TNRC6B: variants seen among roughly 807,000 people sequenced by gnomAD.
The protein encoded by TNRC6B is trinucleotide repeat containing adaptor 6B, also known as trinucleotide repeat-containing gene 6B protein.
A neutral mutation model predicts 203.6 loss-of-function variants in TNRC6B; 52 were observed. The observed-to-expected ratio is 0.26, with a 90% CI of 0.20 to 0.32. The LOEUF (loss-of-function observed/expected upper bound fraction) is 0.32. Ranked by LOEUF, TNRC6B falls within the 10% of genes least tolerant of loss-of-function variation. The pLI, the probability that TNRC6B is intolerant of heterozygous loss-of-function variation, is 1.00. For missense variants in TNRC6B, 1,923 were observed against 2,286.2 expected (o/e 0.84, Z 3.24); for synonymous variants, 838 against 845.7 (o/e 0.99, Z 0.16).
At chr22:40,098,991 C>T (rs1203228180) in intron 1 of TNRC6B, among the ~76,000 whole-genome samples, 1 of 152,062 alleles carries the variant, frequency 6.6e-6, no homozygotes, top group Non-Finnish European at 1.5e-5. Context: ...GTGGCTCGCA[C>T]CTGTAATCCC....
intron 3 of TNRC6B, among the ~76,000 whole-genome samples, chr22:40,138,846 T>C (rs1038892159): frequency 5.3e-5 from 8 of 151,874 alleles, no homozygotes; most frequent in Non-Finnish European, 8.8e-5. Context: ...CAAACAGCAA[T>C]TCAAAGTACT....
At chr22:40,300,300 C>A (rs372410130) in intron 12 of TNRC6B, among the ~76,000 whole-genome samples, 155 bp from the exon 13 acceptor site, 5 of 152,092 alleles carry the variant, frequency 3.3e-5, no homozygotes, top group East Asian at 1.9e-4. Flanking sequence ...CATTGTTAAC[C>A]CTTGAGTGTA....
At chr22:40,225,457 A>C (rs1242697011) in intron 1 of TNRC6B, among the ~76,000 whole-genome samples, 5 of 152,226 alleles carry the variant, frequency 3.3e-5, no homozygotes, top group African/African-American at 1.2e-4. Flanking sequence ...GGCCGGGTGC[A>C]GTGGCTCACG....
chr22:40,263,165 T>G (rs2070413409), intron 4 of TNRC6B, among the ~76,000 whole-genome samples: 1 of 152,094 alleles, frequency 6.6e-6, no homozygotes, highest in South Asian at 2.1e-4. Flanking sequence ...TCTTTTGGGG[T>G]GATATTAAAA....
chr22:40,070,153 A>G (rs2067935020), intron 1 of TNRC6B, among the ~76,000 whole-genome samples: 1 of 152,100 alleles, frequency 6.6e-6, no homozygotes, highest in African/African-American at 2.4e-5. Context: ...TAAGAGAGAC[A>G]TTTGAGTTTT....
At chr22:40,151,765 A>T (rs1028386590) in intron 3 of TNRC6B, among the ~76,000 whole-genome samples, 26 of 151,902 alleles carry the variant, frequency 1.7e-4, no homozygotes, top group African/African-American at 5.8e-4. Flanking sequence ...AAATTAAAAT[A>T]AAAAAATCAA....
At chr22:40,131,631 A>G (rs1368820691) in intron 3 of TNRC6B, among the ~76,000 whole-genome samples, 1 of 152,120 alleles carries the variant, frequency 6.6e-6, no homozygotes, top group African/African-American at 2.4e-5. Flanking sequence ...GACTCCTTAA[A>G]CTATTATTTA....
intron 4 of TNRC6B, among the ~76,000 whole-genome samples, chr22:40,168,844 ACT>A (rs1158907228): frequency 1.3e-5 from 2 of 149,060 alleles, no homozygotes; most frequent in Non-Finnish European, 3.0e-5. Flanking sequence ...CTCAGTTCAA[ACT>A]CTCACCTCCT....
intron 3 of TNRC6B, among the ~76,000 whole-genome samples, chr22:40,148,540 C>G (rs980578967): frequency 2.0e-5 from 3 of 152,204 alleles, no homozygotes; most frequent in Middle Eastern, 3.4e-3. Flanking sequence ...CCTTGCCCCC[C>G]ACAAAGTGCT....
At chr22:40,170,193 A>G (rs1279154974) in intron 4 of TNRC6B, among the ~76,000 whole-genome samples, 1 of 148,178 alleles carries the variant, frequency 6.7e-6, no homozygotes, top group African/African-American at 2.5e-5. Flanking sequence ...CAGGAGAATC[A>G]CTTGAGCCTG....
At chr22:40,226,923 T>G (rs1448972119) in intron 1 of TNRC6B, among the ~76,000 whole-genome samples, 1 of 151,348 alleles carries the variant, frequency 6.6e-6, no homozygotes, top group Admixed American at 6.6e-5. Flanking sequence ...TTGTTTTTGT[T>G]TTTTGAGACA....
At chr22:40,103,428 G>A (rs1254363854) in intron 1 of TNRC6B, among the ~76,000 whole-genome samples, 2 of 152,110 alleles carry the variant, frequency 1.3e-5, no homozygotes, top group Non-Finnish European at 2.9e-5. Context: ...CATACGGTAC[G>A]TAGTCTTTCA....
At chr22:40,130,779 TAAAAAAA>T (rs200268757) in intron 3 of TNRC6B, among the ~76,000 whole-genome samples, 22 of 65,044 alleles carry the variant, frequency 3.4e-4, no homozygotes, top group African/African-American at 8.5e-4. Flanking sequence ...AGACTCCGTC[TAAAAAAA>T]AAAAAAAAAA....
chr22:40,050,371 C>T (rs1231411023), intron 1 of TNRC6B, among the ~76,000 whole-genome samples: 1 of 152,168 alleles, frequency 6.6e-6, no homozygotes, highest in East Asian at 1.9e-4. Context: ...TTTTACACCC[C>T]ATCCTCCTCT....
chr22:40,053,277 C>T (rs1421396804), intron 1 of TNRC6B, among the ~76,000 whole-genome samples: 1 of 151,944 alleles, frequency 6.6e-6, no homozygotes, highest in African/African-American at 2.4e-5. Context: ...AAACAGGCTC[C>T]GAAAGCAGCT....
At chr22:40,319,510 C>T (rs998198840) in intron 21 of TNRC6B, among the ~76,000 whole-genome samples, 1 of 150,542 alleles carries the variant, frequency 6.6e-6, no homozygotes, top group Admixed American at 6.6e-5. Flanking sequence ...ACTGCAAGCT[C>T]CGCCTCCCGG....
At chr22:40,206,609 G>A (rs1201979800) in intron 1 of TNRC6B, among the ~76,000 whole-genome samples, 2 of 152,096 alleles carry the variant, frequency 1.3e-5, no homozygotes, top group African/African-American at 2.4e-5. Context: ...ATATGGAAAA[G>A]AGAAATGACA....
At chr22:40,152,795 T>C (rs1206586462) in intron 3 of TNRC6B, among the ~76,000 whole-genome samples, 4 of 151,874 alleles carry the variant, frequency 2.6e-5, no homozygotes, top group Non-Finnish European at 4.4e-5. Flanking sequence ...TAATTAAATA[T>C]GTGGGTAAAA....
intron 4 of TNRC6B, among the ~76,000 whole-genome samples, chr22:40,262,573 A>G (rs570994119): frequency 6.6e-6 from 1 of 152,338 alleles, no homozygotes; most frequent in Admixed American, 6.5e-5. Flanking sequence ...GATAGAGAAA[A>G]TGATTTGCTA....
Sources: allele counts gnomAD v4.1 joint callset (sites outside exome capture counted in the v4.1 genomes callset), GRCh38; gene constraint gnomAD v4.1.1; transcripts MANE v1.5; gene names NCBI Gene and HGNC (gene_info 2026-07-23, HGNC 2026-07-21).